The following MARCHF1 variants were observed in gnomAD, a reference collection of about 807,000 sequenced individuals.
The protein encoded by MARCHF1 is membrane associated ring-CH-type finger 1.
MARCHF1 carries 40 observed loss-of-function variants against 54.2 expected under a neutral mutation model. The observed-to-expected ratio is 0.74, with a 90% CI of 0.57 to 0.96. The LOEUF is 0.96. Among genes scored for constraint, MARCHF1 ranks in the 40% least tolerant of loss-of-function variants. The pLI is 0.00. For synonymous variants in MARCHF1, 236 were observed against 236.3 expected (o/e 1.00, Z 0.01); for missense variants, 586 against 656.5 (o/e 0.89, Z 1.17).
rs115041268 is a variant in MARCHF1, at chr4:164,197,605, G to C, written c.-322-85943C>G. ...CAGTTCTTCAAATTCATCTGTGAGGGCTTCGAGTTTGCCTTCATTCGACCG... is the reference window on the plus strand; with the variant it reads ...CAGTTCTTCAAATTCATCTGTGAGGCCTTCGAGTTTGCCTTCATTCGACCG... On this transcript the variant is annotated intron_variant, in intron 1 of 9. Transcript: ENST00000514618. The C allele has an allele frequency of 8.7e-5, 140 of 1,613,066 alleles. 2 individuals carry two copies. In the East Asian group the frequency reaches 2.6e-3, roughly 30 times the overall value.
chr4:163,914,141 GC>G (rs1377641412), intron 3 of MARCHF1, among the ~76,000 whole-genome samples: 7 of 151,964 alleles, frequency 4.6e-5, no homozygotes, highest in Non-Finnish European at 8.8e-5. Context: ...ATGCTGAGGA[GC>G]ATTCAGCTTT....
At chr4:163,679,361 A>T (rs1744021267) in intron 5 of MARCHF1, among the ~76,000 whole-genome samples, 1 of 152,150 alleles carries the variant, frequency 6.6e-6, no homozygotes, top group East Asian at 1.9e-4. Flanking sequence ...CCCTGTCTAG[A>T]GCCTACTGCC....
chr4:164,185,787 G>GTC (rs1730952555), intron 1 of MARCHF1, among the ~76,000 whole-genome samples: 2 of 83,992 alleles, frequency 2.4e-5, no homozygotes, highest in South Asian at 8.4e-4. Flanking sequence ...ATTAAAACTA[G>GTC]TCACACACAC....
chr4:164,325,333 T>TTTTATATATATATATA (rs375590729), intron 1 of MARCHF1, among the ~76,000 whole-genome samples: 1 of 138,460 alleles, frequency 7.2e-6, no homozygotes, highest in African/African-American at 2.7e-5. Flanking sequence ...TAGACAGAAA[T>TTTTATATATATATATA]TATATATATA....
chr4:163,869,614 T>A (rs1750127309), intron 3 of MARCHF1, among the ~76,000 whole-genome samples: 1 of 152,062 alleles, frequency 6.6e-6, no homozygotes, highest in South Asian at 2.1e-4. Context: ...CCAATGGAAA[T>A]AGAAAAATGC....
intron 2 of MARCHF1, among the ~76,000 whole-genome samples, chr4:163,999,753 T>C (rs1383474928): frequency 1.3e-5 from 2 of 151,496 alleles, no homozygotes; most frequent in African/African-American, 2.4e-5. Flanking sequence ...TCTACATATA[T>C]ATGTACATAT....
intron 4 of MARCHF1, among the ~76,000 whole-genome samples, chr4:163,744,389 T>G (rs187621161): frequency 9.2e-5 from 14 of 152,320 alleles, no homozygotes; most frequent in African/African-American, 3.4e-4. Flanking sequence ...AATGGACCTC[T>G]TATATAGTAA....
At chr4:163,906,562 T>C (rs930299027) in intron 3 of MARCHF1, among the ~76,000 whole-genome samples, 2 of 151,880 alleles carry the variant, frequency 1.3e-5, no homozygotes, top group African/African-American at 4.8e-5. Flanking sequence ...GAGATAAATA[T>C]ACACCCATGA....
At chr4:163,762,304 C>A (rs752974862) in intron 4 of MARCHF1, among the ~76,000 whole-genome samples, 1 of 152,034 alleles carries the variant, frequency 6.6e-6, no homozygotes, top group Non-Finnish European at 1.5e-5. Context: ...ATATTTGGTT[C>A]TAACAATTGG....
In MARCHF1 at chr4:163,885,874, C is replaced by A. The variant is rs543834691; in HGVS notation, c.-38-31705G>T. ...ATTACTGGAGCCCAGGAGTTTGAGACCAACCTGGGCAACAAAATGAGACCC... is the reference window on the plus strand; with the variant it reads ...ATTACTGGAGCCCAGGAGTTTGAGAACAACCTGGGCAACAAAATGAGACCC... On this transcript the variant is annotated intron_variant, in intron 3 of 9. Transcript: ENST00000514618. Among the ~76,000 whole-genome samples, 20 of 150,486 alleles carry A rather than the reference C, an allele frequency of 1.3e-4. No individual in the cohort carries two copies. In the East Asian group the frequency reaches 3.1e-3, roughly 23 times the overall value.
chr4:163,796,415 C>G (rs1747918089), intron 4 of MARCHF1, among the ~76,000 whole-genome samples: 1 of 151,726 alleles, frequency 6.6e-6, no homozygotes, highest in Non-Finnish European at 1.5e-5. Flanking sequence ...AAAATTGCAA[C>G]TTTTATAAGT....
At chr4:164,177,523 T>C (rs866502380) in intron 1 of MARCHF1, among the ~76,000 whole-genome samples, 19 of 152,230 alleles carry the variant, frequency 1.2e-4, no homozygotes, top group African/African-American at 4.6e-4. Context: ...TAGATTTTTT[T>C]TTTTCTGCTT....
intron 1 of MARCHF1, among the ~76,000 whole-genome samples, chr4:164,228,223 T>C (rs777960259): frequency 6.6e-6 from 1 of 152,172 alleles, no homozygotes; most frequent in Non-Finnish European, 1.5e-5. Context: ...CAGCTAAGGT[T>C]AGAGGTACAA....
intron 3 of MARCHF1, among the ~76,000 whole-genome samples, chr4:163,868,303 A>G (rs1211633193): frequency 1.3e-5 from 2 of 152,018 alleles, no homozygotes; most frequent in African/African-American, 4.8e-5. Context: ...TGCTGTCTAC[A>G]TGAAAAATAC....
In MARCHF1 at chr4:163,619,052, G is replaced by T. The variant is rs1183794734; in HGVS notation, c.163-5659C>A. ...GTAGAGAGAAGACGTCTTGGTATGG[G>T]ATCTACAGAAAGTTTTGTAATGACT... On this transcript the variant is annotated intron_variant, in intron 5 of 9. Coordinates refer to ENST00000514618, the MANE Select transcript of MARCHF1 (RefSeq NM_001394959.1). Among the ~76,000 whole-genome samples the T allele has an allele frequency of 2.6e-5, 4 of 152,278 alleles. No individual in the cohort carries two copies. The East Asian group carries it at 7.7e-4, about 29-fold the overall frequency.
intron 2 of MARCHF1, among the ~76,000 whole-genome samples, chr4:164,110,842 G>T (rs1228758805): frequency 6.6e-6 from 1 of 151,738 alleles, no homozygotes; most frequent in African/African-American, 2.4e-5. Flanking sequence ...AAAGCAGTTT[G>T]TAAAGGAGGG....
At chr4:164,038,621 T>C (rs1011727553) in intron 2 of MARCHF1, among the ~76,000 whole-genome samples, 53 of 152,210 alleles carry the variant, frequency 3.5e-4, no homozygotes, top group Non-Finnish European at 4.9e-4. Context: ...GGTCCTTTTT[T>C]TCTTCCAAGA....
chr4:163,763,592 T>C (rs530404930), intron 4 of MARCHF1, among the ~76,000 whole-genome samples: 4 of 152,180 alleles, frequency 2.6e-5, no homozygotes, highest in African/African-American at 9.6e-5. Flanking sequence ...GGTTTCTGAA[T>C]GACTTTCCCC....
At chr4:164,100,916 G>A (rs956791488) in intron 2 of MARCHF1, among the ~76,000 whole-genome samples, 8 of 152,276 alleles carry the variant, frequency 5.3e-5, no homozygotes, top group South Asian at 2.1e-4. Flanking sequence ...CACAGTGCGC[G>A]AGCCGAAGTA....
Sources: allele counts gnomAD v4.1 joint callset (sites outside exome capture counted in the v4.1 genomes callset), GRCh38; gene constraint gnomAD v4.1.1; transcripts MANE v1.5; gene names NCBI Gene and HGNC (gene_info 2026-07-23, HGNC 2026-07-21).